Variants in COL24A1 observed in about 807,000 individuals in gnomAD.
COL24A1 encodes the protein collagen type XXIV alpha 1 chain, also known as collagen alpha-1(XXIV) chain.
Under a neutral mutation model 253.9 loss-of-function variants are expected in COL24A1, and 224 were observed. The ratio of observed to expected loss-of-function variants is 0.88; its 90% CI spans 0.79 to 0.99. The LOEUF (loss-of-function observed/expected upper bound fraction) is 0.99, where lower values mean the gene tolerates loss of function less well. Among genes scored for constraint, COL24A1 ranks in the 50% least tolerant of loss-of-function variants. The pLI, the probability that COL24A1 is intolerant of heterozygous loss-of-function variation, is 0.00. For missense variants in COL24A1, 2,131 were observed against 2,068.5 expected (o/e 1.03, Z -0.59); for synonymous variants, 685 against 673.7 (o/e 1.02, Z -0.26).
intron 14 of COL24A1, among the ~76,000 whole-genome samples, chr1:86,028,511 C>T (rs1014002709): frequency 6.6e-6 from 1 of 152,196 alleles, no homozygotes; most frequent in African/African-American, 2.4e-5. Context: ...CTACCCTCTA[C>T]AGAAGGCACC....
chr1:86,054,344 CAG>C (rs745329185), intron 10 of COL24A1, among the ~76,000 whole-genome samples: 1 of 152,058 alleles, frequency 6.6e-6, no homozygotes, highest in Non-Finnish European at 1.5e-5. Flanking sequence ...AAACCATCAA[CAG>C]AGTAAATAGA....
chr1:85,880,308 A>G (rs1241540918), intron 32 of COL24A1, among the ~76,000 whole-genome samples: 1 of 152,156 alleles, frequency 6.6e-6, no homozygotes, highest in Non-Finnish European at 1.5e-5. Context: ...TTTAAATTCC[A>G]ATTGCTCATT....
At chr1:86,137,946 C>T (rs918678803) in intron 2 of COL24A1, among the ~76,000 whole-genome samples, 18 of 152,286 alleles carry the variant, frequency 1.2e-4, no homozygotes, top group African/African-American at 4.3e-4. Context: ...CGTCCAATGG[C>T]TTTCCATGGT....
chr1:85,996,740 C>T (rs184952543), intron 19 of COL24A1, among the ~76,000 whole-genome samples: 5 of 152,214 alleles, frequency 3.3e-5, no homozygotes, highest in Admixed American at 2.0e-4. Context: ...GCACTGATCA[C>T]ATACTAGAAA....
chr1:86,133,559 A>C (rs1234030104), intron 2 of COL24A1, among the ~76,000 whole-genome samples: 1 of 152,208 alleles, frequency 6.6e-6, no homozygotes, highest in African/African-American at 2.4e-5. Context: ...TTTAGCATGA[A>C]GCGCTGTTGA....
intron 47 of COL24A1, among the ~76,000 whole-genome samples, chr1:85,791,627 A>G (rs1670283869): frequency 6.6e-6 from 1 of 152,216 alleles, no homozygotes; most frequent in Admixed American, 6.5e-5. Context: ...GGCAAAATCA[A>G]GAGAACCTAA....
chr1:85,880,229 T>G (rs1430304703), intron 32 of COL24A1, among the ~76,000 whole-genome samples: 1 of 152,218 alleles, frequency 6.6e-6, no homozygotes, highest in East Asian at 1.9e-4. Context: ...TTGTATATAT[T>G]TTGTTAGAGT....
intron 25 of COL24A1, among the ~76,000 whole-genome samples, chr1:85,910,502 A>G (rs1287726734): frequency 6.6e-6 from 1 of 151,978 alleles, no homozygotes. Context: ...GCAGCTTAAA[A>G]AGACTAAACT....
intron 35 of COL24A1, among the ~76,000 whole-genome samples, chr1:85,869,990 G>A (rs1402980350): frequency 6.6e-6 from 1 of 152,122 alleles, no homozygotes; most frequent in Non-Finnish European, 1.5e-5. Flanking sequence ...TCAAAATAAA[G>A]GGATGGAGGA....
chr1:85,744,316 G>T (rs1418603145), intron 57 of COL24A1, among the ~76,000 whole-genome samples: 1 of 152,000 alleles, frequency 6.6e-6, no homozygotes, highest in East Asian at 1.9e-4. Context: ...TGGTGAAGGA[G>T]ATGCTATAAT....
Position 86,125,734 on chromosome 1 carries a change from C to G in COL24A1, c.602G>C (p.Ser201Thr), listed in dbSNP as rs185528749. 1.9e-6 allele frequency: 3 copies of G among 1,610,892 alleles called. No individual in the cohort carries two copies. Among genetic ancestry groups the G allele is most frequent in the East Asian group, 4.5e-5 (2 of 44,804 alleles). The change falls in exon 3 of 60, where the codon AGT becomes ACT. Residue 201 changes from serine to threonine, a missense_variant. Physicochemically the swap from Ser to Thr is moderately conservative, Grantham distance 58. Coordinates refer to ENST00000370571, the MANE Select transcript of COL24A1 (RefSeq NM_152890.7). Reference sequence around the variant, plus strand: ...ATTCATACTTCCTAAAGTAAACACACTATTAGAATCAAAGGTCTGAACTTC... The same window carrying G: ...ATTCATACTTCCTAAAGTAAACACAGTATTAGAATCAAAGGTCTGAACTTC... ...IPEVQTFDSN[S>T]VFTLGSMNNN...
intron 37 of COL24A1, among the ~76,000 whole-genome samples, chr1:85,854,845 A>G (rs970833526): frequency 6.6e-6 from 1 of 152,080 alleles, no homozygotes; most frequent in Non-Finnish European, 1.5e-5. Context: ...CTGGGACTAC[A>G]GGTGTGCACC....
chr1:85,923,700 T>C (rs980304946), intron 24 of COL24A1, among the ~76,000 whole-genome samples: 2 of 152,278 alleles, frequency 1.3e-5, no homozygotes, highest in Non-Finnish European at 2.9e-5. Flanking sequence ...GAGCACTAAA[T>C]GCCCACAAGA....
chr1:85,765,741 G>C (rs1405404695), intron 53 of COL24A1, among the ~76,000 whole-genome samples: 1 of 151,382 alleles, frequency 6.6e-6, no homozygotes, highest in East Asian at 1.9e-4. Flanking sequence ...ACTCTGTCAA[G>C]AAAGAAAAAA....
chr1:86,139,947 A>G (rs1170385797), intron 2 of COL24A1, among the ~76,000 whole-genome samples: 1 of 152,210 alleles, frequency 6.6e-6, no homozygotes. Context: ...CAAGACTCAA[A>G]TACAGCTTCC....
intron 43 of COL24A1, among the ~76,000 whole-genome samples, chr1:85,833,594 G>A (rs1675620167): frequency 6.6e-6 from 1 of 152,266 alleles, no homozygotes; most frequent in Middle Eastern, 3.4e-3. Flanking sequence ...AATACCACTT[G>A]ACCCAGCCAT....
intron 14 of COL24A1, among the ~76,000 whole-genome samples, chr1:86,024,593 C>T (rs1697848366): frequency 6.6e-6 from 1 of 152,108 alleles, no homozygotes; most frequent in South Asian, 2.1e-4. Flanking sequence ...AAATATATAA[C>T]ACCGTTAGAG....
intron 1 of COL24A1, 88 bp downstream of exon 1, chr1:86,156,253 T>C (rs2102489703): frequency 7.6e-7 from 1 of 1,316,248 alleles, no homozygotes; most frequent in Non-Finnish European, 1.1e-6. Context: ...GGAGCCGGAC[T>C]TCAGATCTCC....
At chr1:85,870,229 C>T (rs182227806) in intron 35 of COL24A1, among the ~76,000 whole-genome samples, 3 of 152,292 alleles carry the variant, frequency 2.0e-5, no homozygotes, top group Admixed American at 6.5e-5. Flanking sequence ...GAGACTTAGA[C>T]TCCCACACAA....
Sources: allele counts gnomAD v4.1 joint callset (sites outside exome capture counted in the v4.1 genomes callset), GRCh38; gene constraint gnomAD v4.1.1; transcripts MANE v1.5; gene names NCBI Gene and HGNC (gene_info 2026-07-23, HGNC 2026-07-21).